The following ATP8A1 variants were observed in gnomAD, a reference collection of about 807,000 sequenced individuals.
The protein encoded by ATP8A1 is ATPase phospholipid transporting 8A1.
In ATP8A1, 90 loss-of-function variants were observed where a neutral mutation model predicts 177.7. The observed-to-expected ratio is 0.51, with a 90% CI of 0.43 to 0.60. ATP8A1 has a LOEUF of 0.60. Ranked by LOEUF, ATP8A1 falls within the 20% of genes least tolerant of loss-of-function variation. The pLI is 0.00. For synonymous variants in ATP8A1, 493 were observed against 485.9 expected (o/e 1.01, Z -0.19); for missense variants, 1,072 against 1,392.8 (o/e 0.77, Z 3.67).
At chr4:42,636,156 A>ACACACACACGCGCGCGCGCGCGCG (rs565139270) in intron 1 of ATP8A1, among the ~76,000 whole-genome samples, 2 of 90,898 alleles carry the variant, frequency 2.2e-5, no homozygotes, top group African/African-American at 6.6e-5. Context: ...ACACACACAC[A>ACACACACACGCGCGCGCGCGCGCG]CGCACACACA....
In ATP8A1 at chr4:42,575,694, A is replaced by G; in HGVS notation, c.1134T>C (p.Leu378=). 6.2e-7 allele frequency: 1 copy of G among 1,612,488 alleles called. No homozygotes were observed. Among genetic ancestry groups the G allele is most frequent in the Non-Finnish European group, 8.5e-7 (1 of 1,178,938 alleles). Residue 378 remains leucine (L), a synonymous_variant, in exon 13 of 37, where the codon CTT becomes CTC. Transcript: ENST00000381668. ...TGTCTGTGGGTTCATAGTGCATGTC[A>G]AGATCCTTTAATAAAATTAAGTAAA... ...FTQAYFINWD[L]DMHYEPTDTA... is the part of the protein sequence containing the mutation.
Position 42,503,521 on chromosome 4 carries a change from CCAAA to C in ATP8A1, c.2087-11_2087-8del. Reference sequence around the variant, plus strand: ...AACAGTTTGCAGGAGTGTCCTGTATCCAAACACAGAGTATATTAAAATTAATTTC... The same window carrying C: ...AACAGTTTGCAGGAGTGTCCTGTATCCACAGAGTATATTAAAATTAATTTC... On this transcript the variant is annotated splice_polypyrimidine_tract_variant and splice_region_variant and intron_variant, in intron 23 of 36. Coordinates refer to ENST00000381668, the MANE Select transcript of ATP8A1 (RefSeq NM_006095.2). The C allele has an allele frequency of 6.4e-7, 1 of 1,574,728 alleles. No homozygotes were observed. Among genetic ancestry groups the C allele is most frequent in the Admixed American group, 1.7e-5 (1 of 58,018 alleles).
chr4:42,514,666 T>C (rs1397387542), intron 22 of ATP8A1, among the ~76,000 whole-genome samples: 1 of 152,206 alleles, frequency 6.6e-6, no homozygotes, highest in East Asian at 1.9e-4. Context: ...TCCAATATTT[T>C]ATACACATTC....
At chr4:42,538,622 A>G (rs1728070258) in intron 20 of ATP8A1, among the ~76,000 whole-genome samples, 1 of 152,352 alleles carries the variant, frequency 6.6e-6, no homozygotes, top group South Asian at 2.1e-4. Context: ...TCCTCAAAAG[A>G]AGATATACAA....
intron 5 of ATP8A1, among the ~76,000 whole-genome samples, chr4:42,614,610 C>T (rs959144405): frequency 6.6e-6 from 1 of 152,158 alleles, no homozygotes; most frequent in African/African-American, 2.4e-5. Context: ...CTCGTTTTGG[C>T]TCATAAACCT....
At chr4:42,600,651 A>C (rs2109398292) in intron 5 of ATP8A1, 133 bp from the exon 6 acceptor site, 1 of 739,424 alleles carries the variant, frequency 1.4e-6, no homozygotes, top group East Asian at 2.9e-5. Context: ...TAAAATTCTA[A>C]TTATGATAGC....
intron 20 of ATP8A1, among the ~76,000 whole-genome samples, chr4:42,526,013 T>C (rs1726635617): frequency 6.6e-6 from 1 of 152,218 alleles, no homozygotes. Context: ...TAAATTCTTC[T>C]TTTAAGAAGA....
chr4:42,616,199 C>G, intron 4 of ATP8A1, 121 bp from the exon 5 acceptor site: 1 of 820,532 alleles, frequency 1.2e-6, no homozygotes, highest in Non-Finnish European at 1.9e-6. Flanking sequence ...ATTTCTCATT[C>G]ATGTCAATGT....
rs16854415 is a variant in ATP8A1 at position 42,488,632 on chromosome 4, A to G, written c.2152-2964T>C. Among the ~76,000 whole-genome samples the G allele has an allele frequency of 5.6e-3, 848 of 152,178 alleles. 8 individuals are homozygous for G. Among genetic ancestry groups the G allele is most frequent in the African/African-American group, 0.018 (763 of 41,524 alleles). The stretch of plus-strand genomic sequence containing the variant: ...CTACAGCTGACACAATAAAGTCTAA[A>G]CTCCTTAAAATGGCATGTAAGGCTT... On this transcript the variant is annotated intron_variant, in intron 24 of 36. Transcript: ENST00000381668.
intron 5 of ATP8A1, among the ~76,000 whole-genome samples, chr4:42,603,158 G>A (rs147432797): frequency 3.3e-5 from 5 of 152,274 alleles, no homozygotes; most frequent in African/African-American, 1.2e-4. Context: ...AAGCTCCAGA[G>A]AACACACTAT....
intron 24 of ATP8A1, among the ~76,000 whole-genome samples, chr4:42,500,968 A>G (rs1254849780): frequency 6.6e-6 from 1 of 152,206 alleles, no homozygotes; most frequent in Non-Finnish European, 1.5e-5. Context: ...GATTTCTATT[A>G]TCATAATCAC....
At chr4:42,498,896 C>T (rs1273760406) in intron 24 of ATP8A1, among the ~76,000 whole-genome samples, 4 of 152,158 alleles carry the variant, frequency 2.6e-5, no homozygotes, top group East Asian at 1.9e-4. Flanking sequence ...CCCCCAGTGC[C>T]GCCGAGCTAC....
chr4:42,602,561 C>T (rs10011946), intron 5 of ATP8A1, among the ~76,000 whole-genome samples: 34,219 of 152,044 alleles, frequency 0.23, 4,342 homozygotes, highest in Non-Finnish European at 0.29. Context: ...GTCAGGCGTT[C>T]GAGACCAGCC....
intron 25 of ATP8A1, among the ~76,000 whole-genome samples, chr4:42,478,624 G>A (rs1721336155): frequency 6.6e-6 from 1 of 152,052 alleles, no homozygotes. Context: ...ACTCTAGGGA[G>A]ATGGCTAGCT....
chr4:42,524,326 A>G (rs577072235), intron 21 of ATP8A1, among the ~76,000 whole-genome samples: 46 of 152,276 alleles, frequency 3.0e-4, no homozygotes, highest in African/African-American at 1.1e-3. Context: ...TAGTTACGTA[A>G]GTTTTTAATA....
At chr4:42,525,008 G>T (rs1311855099) in intron 20 of ATP8A1, among the ~76,000 whole-genome samples, 161 bp from the exon 21 acceptor site, 4 of 152,180 alleles carry the variant, frequency 2.6e-5, no homozygotes, top group African/African-American at 9.6e-5. Flanking sequence ...ATACTATTTT[G>T]CTAGTGACAT....
At chr4:42,421,059 C>T (rs536052142) in intron 35 of ATP8A1, among the ~76,000 whole-genome samples, 6 of 152,248 alleles carry the variant, frequency 3.9e-5, no homozygotes, top group East Asian at 1.9e-4. Flanking sequence ...TGAGCCACCG[C>T]GCCTGGCCAG....
In ATP8A1 at chr4:42,542,354, C is replaced by T. The variant is rs538310371; in HGVS notation, c.1722+1563G>A. Reference sequence around the variant, plus strand: ...AGGTAGAAGATGATTCCAAACTATACAAGAAAGGATGTGATTCGGGTTTTG... The same window carrying T: ...AGGTAGAAGATGATTCCAAACTATATAAGAAAGGATGTGATTCGGGTTTTG... On this transcript the variant is annotated intron_variant, in intron 20 of 36. Transcript: ENST00000381668. Among the ~76,000 whole-genome samples the T allele has an allele frequency of 1.4e-4, 21 of 152,078 alleles. No individual in the cohort carries two copies. In the South Asian group the frequency reaches 3.5e-3, roughly 26 times the overall value.
chr4:42,542,600 C>T (rs756297518), intron 20 of ATP8A1, among the ~76,000 whole-genome samples: 1 of 152,130 alleles, frequency 6.6e-6, no homozygotes, highest in African/African-American at 2.4e-5. Context: ...CTCAGCCCCC[C>T]ACCCTGCAAC....
Sources: gnomAD v4.1 joint callset for allele counts (sites outside exome capture counted in the v4.1 genomes callset) on GRCh38, gnomAD v4.1.1 for gene constraint, MANE v1.5 for transcripts, NCBI Gene and HGNC (gene_info 2026-07-23, HGNC 2026-07-21) for gene names.